The following KAZN variants were observed in gnomAD, a reference collection of about 807,000 sequenced individuals.
KAZN encodes the protein kazrin.
KAZN carries 40 observed loss-of-function variants against 87.4 expected under a neutral mutation model. That is an observed-to-expected ratio of 0.46 (90% CI 0.36 to 0.60). KAZN has a LOEUF of 0.60. Ranked by LOEUF, KAZN falls within the 20% of genes least tolerant of loss-of-function variation. The pLI is 0.00. For missense variants in KAZN, 898 were observed against 1,073.9 expected (o/e 0.84, Z 2.29); for synonymous variants, 466 against 458.3 (o/e 1.02, Z -0.22).
intron 1 of KAZN, among the ~76,000 whole-genome samples, chr1:14,668,172 G>A (rs911432451): frequency 1.3e-5 from 2 of 152,116 alleles, no homozygotes; most frequent in Non-Finnish European, 2.9e-5. Flanking sequence ...GAAAGTCTCC[G>A]AGAAACCTGG....
intron 1 of KAZN, among the ~76,000 whole-genome samples, chr1:14,064,027 T>C (rs1202583598): frequency 2.6e-5 from 4 of 152,106 alleles, no homozygotes; most frequent in Non-Finnish European, 5.9e-5. Context: ...AGCAATTCTC[T>C]GCCTCAGCCT....
Position 15,099,075 on chromosome 1 carries a change from G to A in KAZN, c.1548-2468G>A, listed in dbSNP as rs1452833776. ...ATCTTGGAAGGCTTCCGGGAGACCA[G>A]ACGTCTCTGCAGAGTCCATAGGAGT... On this transcript the variant is annotated intron_variant, in intron 10 of 14. Transcript: ENST00000376030. The surrounding 1 kb of genome is among the most constrained non-coding windows in gnomAD (Gnocchi z 5.4). Among the ~76,000 whole-genome samples, 1 of 152,184 alleles carries A rather than the reference G, an allele frequency of 6.6e-6. No individual in the cohort carries two copies. The highest frequency in any genetic ancestry group is 1.5e-5 in the Non-Finnish European group (1 of 68,032).
At chr1:14,011,279 T>C (rs1349592243) in intron 1 of KAZN, among the ~76,000 whole-genome samples, 1 of 152,214 alleles carries the variant, frequency 6.6e-6, no homozygotes, top group Non-Finnish European at 1.5e-5. Context: ...TTCGCACTCT[T>C]TCTTGCTCAC....
chr1:14,137,079 C>T (rs991773932), intron 1 of KAZN, among the ~76,000 whole-genome samples: 14 of 152,144 alleles, frequency 9.2e-5, no homozygotes, highest in African/African-American at 3.1e-4. Flanking sequence ...CCTGGGTTTT[C>T]CCAACAAGTG....
intron 2 of KAZN, among the ~76,000 whole-genome samples, chr1:15,016,847 C>T (rs977556919): frequency 1.3e-5 from 2 of 152,192 alleles, no homozygotes; most frequent in Non-Finnish European, 2.9e-5. Context: ...CACAGGTCTT[C>T]ACAGACCACG....
intron 2 of KAZN, among the ~76,000 whole-genome samples, chr1:14,511,343 A>G (rs1159596519): frequency 3.3e-5 from 5 of 152,226 alleles, no homozygotes; most frequent in Non-Finnish European, 7.3e-5. Flanking sequence ...TATTGGAGCC[A>G]AGAAGAATTT....
At chr1:13,936,111 T>TTTTTTTTTTTTGA (rs1640730209) in intron 1 of KAZN, among the ~76,000 whole-genome samples, 1 of 145,008 alleles carries the variant, frequency 6.9e-6, no homozygotes, top group Non-Finnish European at 1.5e-5. Context: ...TTTTTTTTTT[T>TTTTTTTTTTTTGA]GAGACAGAGT....
chr1:14,024,400 G>C (rs77235080), intron 1 of KAZN, among the ~76,000 whole-genome samples: 3,861 of 152,288 alleles, frequency 0.025, 157 homozygotes, highest in African/African-American at 0.087. Flanking sequence ...TACTCACACA[G>C]AAGAACTAAA....
chr1:13,903,998 C>G (rs1474261493), intron 1 of KAZN, among the ~76,000 whole-genome samples: 1 of 152,084 alleles, frequency 6.6e-6, no homozygotes, highest in Non-Finnish European at 1.5e-5. Context: ...GAGGCATGAA[C>G]CACTCCGCAC....
At chr1:14,438,444 G>A (rs541047615) in intron 2 of KAZN, among the ~76,000 whole-genome samples, 3 of 152,330 alleles carry the variant, frequency 2.0e-5, no homozygotes, top group South Asian at 4.1e-4. Flanking sequence ...GACAGGGAAC[G>A]GGGCCGGCCA....
chr1:15,100,928 G>C (rs1051658910), intron 10 of KAZN, among the ~76,000 whole-genome samples: 4 of 152,154 alleles, frequency 2.6e-5, no homozygotes, highest in Non-Finnish European at 5.9e-5. Context: ...CCGATCAGGT[G>C]GGCCAAGCCC....
chr1:13,906,772 A>G (rs1639451489), intron 1 of KAZN, among the ~76,000 whole-genome samples: 1 of 152,234 alleles, frequency 6.6e-6, no homozygotes, highest in African/African-American at 2.4e-5. Context: ...AAACCAGAGC[A>G]GGGCCAGGAC....
At chr1:15,026,960 C>T (rs142931071) in intron 2 of KAZN, among the ~76,000 whole-genome samples, 1 of 151,484 alleles carries the variant, frequency 6.6e-6, no homozygotes, top group Non-Finnish European at 1.5e-5. Context: ...TGGGGGAGCT[C>T]CTGGAACCAA....
At chr1:14,427,513 AACACAC>A (rs141037257) in intron 2 of KAZN, among the ~76,000 whole-genome samples, 7 of 150,406 alleles carry the variant, frequency 4.7e-5, no homozygotes, top group African/African-American at 1.5e-4. Context: ...CTATAATTTA[AACACAC>A]ACACACACAC....
chr1:14,386,439 C>A (rs1469444129), intron 2 of KAZN, among the ~76,000 whole-genome samples: 1 of 151,958 alleles, frequency 6.6e-6, no homozygotes, highest in African/African-American at 2.4e-5. Flanking sequence ...CATGATTTTG[C>A]AGTGGCTGGT....
chr1:14,662,918 A>G (rs1639280832), intron 1 of KAZN, among the ~76,000 whole-genome samples: 1 of 143,392 alleles, frequency 7.0e-6, no homozygotes, highest in South Asian at 2.2e-4. Context: ...ATATATACAC[A>G]TATATATGTA....
At chr1:14,264,329 C>T (rs1027662182) in intron 2 of KAZN, among the ~76,000 whole-genome samples, 4 of 152,192 alleles carry the variant, frequency 2.6e-5, no homozygotes, top group Non-Finnish European at 5.9e-5. Context: ...CATTCCTTCT[C>T]ATGCTTGACA....
intron 2 of KAZN, among the ~76,000 whole-genome samples, chr1:14,372,941 G>C (rs185365267): frequency 1.1e-3 from 161 of 152,158 alleles, no homozygotes; most frequent in South Asian, 2.7e-3. Context: ...ACAGAAACAG[G>C]GGATAGAGAT....
chr1:14,319,557 C>T (rs577687097), intron 2 of KAZN, among the ~76,000 whole-genome samples: 21 of 152,278 alleles, frequency 1.4e-4, no homozygotes, highest in African/African-American at 4.1e-4. Flanking sequence ...CGTTCTCTCC[C>T]GAACTCAACC....
Sources: gnomAD v4.1 joint callset for allele counts (sites outside exome capture counted in the v4.1 genomes callset) on GRCh38, gnomAD v4.1.1 for gene constraint, Gnocchi (gnomAD v3.1) non-coding constraint, MANE v1.5 for transcripts, NCBI Gene and HGNC (gene_info 2026-07-23, HGNC 2026-07-21) for gene names.